Variants in PALD1 observed in about 807,000 individuals in gnomAD.
PALD1 encodes the protein paladin.
In PALD1, 57 loss-of-function variants were observed where a neutral mutation model predicts 96.0. The observed-to-expected ratio is 0.59, with a 90% confidence interval of 0.48 to 0.74. The LOEUF is 0.74. PALD1 is among the 30% of genes least tolerant of loss of function. PALD1 has a pLI of 0.00. For missense variants in PALD1, 1,063 were observed against 1,143.7 expected (o/e 0.93, Z 1.02); for synonymous variants, 464 against 473.6 (o/e 0.98, Z 0.26).
Position 70,540,139 on chromosome 10 carries a change from G to A in PALD1, c.1908+377G>A, listed in dbSNP as rs577153853. Among the ~76,000 whole-genome samples, 2 of 151,474 alleles carry A rather than the reference G, an allele frequency of 1.3e-5. No individual in the cohort carries two copies. Among genetic ancestry groups the A allele is most frequent in the South Asian group, 2.1e-4 (1 of 4,772 alleles). ...GTGTTATAGGTGTGTGTGTGTTATC[G>A]GGGTGTGTGTGTATTCTGTTACAGG... is the stretch of plus-strand genomic sequence containing the variant. On this transcript the variant is annotated intron_variant, in intron 15 of 19. Coordinates refer to ENST00000263563, the MANE Select transcript of PALD1 (RefSeq NM_014431.3). This position sits in a 1 kb window ranked among gnomAD's most constrained non-coding sequence, Gnocchi z 4.2.
intron 18 of PALD1, among the ~76,000 whole-genome samples, chr10:70,553,620 G>C (rs1247580970): frequency 6.6e-6 from 1 of 152,170 alleles, no homozygotes; most frequent in Non-Finnish European, 1.5e-5. Flanking sequence ...TTCTAATGTT[G>C]GTTCCGGTTT....
intron 1 of PALD1, among the ~76,000 whole-genome samples, chr10:70,513,146 T>A (rs1846547789): frequency 6.6e-6 from 1 of 152,216 alleles, no homozygotes; most frequent in African/African-American, 2.4e-5. Context: ...GTTTTACTTT[T>A]GAAATTTTTT....
rs149222447 is a variant in PALD1, at chr10:70,532,795, A to G, written c.794+14A>G. On this transcript the variant is annotated intron_variant, in intron 6 of 19. Coordinates refer to ENST00000263563, the MANE Select transcript of PALD1 (RefSeq NM_014431.3). ...GCCCACCTACAGGTACCACAGGGCC[A>G]CCCCCAGCCCTGGCCATGGGTGCTC... is the stretch of plus-strand genomic sequence containing the variant. 6.6e-4 allele frequency: 1,071 copies of G among 1,612,718 alleles called. 24 individuals are homozygous for G. In the East Asian group the frequency reaches 0.023, roughly 35 times the overall value.
upstream of PALD1, among the ~76,000 whole-genome samples, chr10:70,478,460 C>A (rs1845864177): frequency 1.3e-5 from 2 of 152,218 alleles, no homozygotes; most frequent in Admixed American, 1.3e-4. Context: ...CTGCCTCTCG[C>A]AGCCAGGAGG....
intron 1 of PALD1, among the ~76,000 whole-genome samples, chr10:70,490,013 C>T (rs919994568): frequency 1.9e-4 from 29 of 151,926 alleles, no homozygotes; most frequent in African/African-American, 7.0e-4. Context: ...ACCTCCGCCT[C>T]CCGGGTTCAA....
chr10:70,533,782 G>A (rs1847047423), intron 7 of PALD1, 140 bp from the exon 8 acceptor site: 3 of 690,490 alleles, frequency 4.3e-6, no homozygotes, highest in African/African-American at 1.9e-5. Flanking sequence ...TTTGGCAGAA[G>A]AGGCCAAGAC....
chr10:70,522,782 G>A (rs874927), intron 1 of PALD1, among the ~76,000 whole-genome samples: 3,457 of 152,240 alleles, frequency 0.023, 120 homozygotes, highest in African/African-American at 0.077. Flanking sequence ...GGTGACCGCC[G>A]TGCTGTGACC....
At chr10:70,558,839 T>G (rs1382577161) in intron 18 of PALD1, among the ~76,000 whole-genome samples, 1 of 152,074 alleles carries the variant, frequency 6.6e-6, no homozygotes, top group Non-Finnish European at 1.5e-5. Context: ...GCAAGAGAAG[T>G]GCTGGTTGCA....
At chr10:70,555,010 A>C (rs112069934) in intron 18 of PALD1, among the ~76,000 whole-genome samples, 15,398 of 32,870 alleles carry the variant, frequency 0.47, 3,973 homozygotes, top group Middle Eastern at 0.68. Flanking sequence ...CTTGCTCCGT[A>C]GCCCAGGCTG....
In PALD1 at chr10:70,529,937, G is replaced by C. The variant is rs1846958799; in HGVS notation, c.337G>C (p.Gly113Arg). The change falls in exon 4 of 20, where the codon GGC becomes CGC. Residue 113 changes from glycine (G) to arginine (R), a missense_variant. By Grantham distance (125) the Gly-to-Arg change is moderately radical. Coordinates refer to ENST00000263563, the MANE Select transcript of PALD1 (RefSeq NM_014431.3). ...TGTCACTGAGAAGATGGATGTGCTG[G>C]GCACCGTGGGAAGCTGTGGGGCCCC... ...RDVTEKMDVLGTVGSCGAPNF... is the reference protein window; with the variant it reads ...RDVTEKMDVLRTVGSCGAPNF... The C allele has an allele frequency of 6.2e-7, 1 of 1,613,792 alleles. No individual in the cohort carries two copies. Among genetic ancestry groups the C allele is most frequent in the Non-Finnish European group, 8.5e-7 (1 of 1,179,906 alleles).
chr10:70,537,770 G>A (rs896792764), intron 10 of PALD1, 41 bp from the exon 11 acceptor site: 1 of 1,370,120 alleles, frequency 7.3e-7, no homozygotes, highest in Non-Finnish European at 1.0e-6. Flanking sequence ...GGACAAGACT[G>A]CCTGAGGAGT....
At chr10:70,478,351 C>T (rs1000232463), upstream of PALD1, among the ~76,000 whole-genome samples, 9 of 152,310 alleles carry the variant, frequency 5.9e-5, no homozygotes, top group African/African-American at 2.2e-4. Flanking sequence ...CCCGCCGAGG[C>T]TCGGCCTGGC....
chr10:70,512,056 C>T (rs1846526556), intron 1 of PALD1, among the ~76,000 whole-genome samples: 1 of 152,146 alleles, frequency 6.6e-6, no homozygotes, highest in Non-Finnish European at 1.5e-5. Flanking sequence ...ATTGAATCCA[C>T]CGTGAGGACA....
At chr10:70,549,748 G>A (rs1029452693) in intron 18 of PALD1, among the ~76,000 whole-genome samples, 3 of 152,278 alleles carry the variant, frequency 2.0e-5, no homozygotes, top group African/African-American at 7.2e-5. Context: ...ATTGGAGAGG[G>A]AAGGGTAGTT....
In PALD1 at chr10:70,526,143, G is replaced by C. The variant is rs1212433077; in HGVS notation, c.185+7G>C. On this transcript the variant is annotated splice_region_variant and intron_variant, in intron 2 of 19. Coordinates refer to ENST00000263563, the MANE Select transcript of PALD1 (RefSeq NM_014431.3). ...TGGCCCCTGTTGTGATCACGTGAGT[G>C]GCAGGGGGAGTGTGCCCATGTCCCT... is the stretch of plus-strand genomic sequence containing the variant. 4.3e-6 allele frequency: 7 copies of C among 1,612,570 alleles called. No homozygotes were observed. In the South Asian group the frequency reaches 4.4e-5, roughly 10 times the overall value.
At chr10:70,469,469 C>T in the PALD1 span, among the ~76,000 whole-genome samples, 1,239 of 152,244 alleles carry the variant, frequency 8.1e-3, 70 homozygotes, top group Admixed American at 0.074. Flanking sequence ...AGCGGAGCTC[C>T]GGCGGCTGCT....
rs1564690553 is a variant in PALD1 at position 70,508,829 on chromosome 10, GGGAGC to G, written c.-29-17093_-29-17089del. Among the ~76,000 whole-genome samples, 8 of 60,860 alleles carry G rather than the reference GGGAGC, an allele frequency of 1.3e-4. 1 individual carries two copies. Among genetic ancestry groups the G allele is most frequent in the African/African-American group, 3.0e-4 (4 of 13,392 alleles). 39.9% of individuals were successfully genotyped at this position (60,860 alleles called of 152,430 possible). Reference sequence around the variant, plus strand: ...TGTGTGTGTGTGTGTGCAGGCCTGTGGGAGCTGCGGAACCTGTGTGTGTGTGTGCA... The same window carrying G: ...TGTGTGTGTGTGTGTGCAGGCCTGTGTGCGGAACCTGTGTGTGTGTGTGCA... On this transcript the variant is annotated intron_variant, in intron 1 of 19. Coordinates refer to ENST00000263563, the MANE Select transcript of PALD1 (RefSeq NM_014431.3).
At chr10:70,534,603 C>G in intron 9 of PALD1, 79 bp downstream of exon 9, 1 of 1,190,216 alleles carries the variant, frequency 8.4e-7, no homozygotes, top group South Asian at 1.3e-5. Flanking sequence ...GGGCTCTCTT[C>G]CTTCCCGATA....
At chr10:70,462,092 T>C in the PALD1 span, among the ~76,000 whole-genome samples, 2 of 152,198 alleles carry the variant, frequency 1.3e-5, no homozygotes, top group African/African-American at 4.8e-5. Flanking sequence ...CACCCTCGGC[T>C]TGGCATCATG....
Sources: gnomAD v4.1 joint callset for allele counts (sites outside exome capture counted in the v4.1 genomes callset) on GRCh38, gnomAD v4.1.1 for gene constraint, Gnocchi (gnomAD v3.1) non-coding constraint, MANE v1.5 for transcripts, NCBI Gene and HGNC (gene_info 2026-07-23, HGNC 2026-07-21) for gene names.